CCDC178: variants seen among roughly 807,000 people sequenced by gnomAD.
The protein encoded by CCDC178 is coiled-coil domain containing 178.
In CCDC178, 126 loss-of-function variants were observed where a neutral mutation model predicts 117.4. The observed-to-expected ratio is 1.07, with a 90% confidence interval of 0.93 to 1.24. The LOEUF (loss-of-function observed/expected upper bound fraction) is 1.24. Ranked by LOEUF, CCDC178 falls within the 50% of genes most tolerant of loss-of-function variation. The pLI, the probability that CCDC178 is intolerant of heterozygous loss-of-function variation, is 0.00. For missense variants in CCDC178, 1,030 were observed against 986.9 expected (o/e 1.04, Z -0.59); for synonymous variants, 283 against 313.4 (o/e 0.90, Z 1.02).
chr18:32,985,986 A>T (rs899659113), intron 21 of CCDC178, among the ~76,000 whole-genome samples: 2 of 152,102 alleles, frequency 1.3e-5, no homozygotes, highest in African/African-American at 4.8e-5. Flanking sequence ...TTCTTAATAT[A>T]GAAAGATATT....
chr18:32,989,493 TA>T (rs930529867), intron 21 of CCDC178, among the ~76,000 whole-genome samples: 9 of 152,280 alleles, frequency 5.9e-5, no homozygotes, highest in Admixed American at 2.6e-4. Flanking sequence ...AGCTAGATAC[TA>T]AATATTTAAT....
chr18:32,984,838 T>G (rs2055229147), intron 21 of CCDC178, among the ~76,000 whole-genome samples: 1 of 152,020 alleles, frequency 6.6e-6, no homozygotes, highest in African/African-American at 2.4e-5. Context: ...GAACATATTT[T>G]TGAAGCATAC....
chr18:33,377,876 T>C (rs1237473513), intron 5 of CCDC178, among the ~76,000 whole-genome samples: 2 of 152,232 alleles, frequency 1.3e-5, no homozygotes, highest in Non-Finnish European at 2.9e-5. Context: ...ACAGGTACAA[T>C]GATGCCTCCA....
chr18:33,207,223 A>C (rs1267450405), intron 20 of CCDC178, among the ~76,000 whole-genome samples: 3 of 152,120 alleles, frequency 2.0e-5, no homozygotes, highest in Non-Finnish European at 2.9e-5. Flanking sequence ...AAACCTTCCT[A>C]TTTCATTTTA....
At chr18:33,296,404 T>C (rs894862499) in intron 11 of CCDC178, among the ~76,000 whole-genome samples, 5 of 151,812 alleles carry the variant, frequency 3.3e-5, no homozygotes, top group Non-Finnish European at 7.4e-5. Context: ...CACACACACA[T>C]ACATACATGA....
chr18:32,950,597 C>T (rs183180283), intron 22 of CCDC178, among the ~76,000 whole-genome samples: 77 of 152,190 alleles, frequency 5.1e-4, no homozygotes, highest in Non-Finnish European at 9.6e-4. Context: ...GTTACAGTTA[C>T]CCAAGAGTTT....
chr18:33,356,089 GT>G (rs1249735735), intron 7 of CCDC178, among the ~76,000 whole-genome samples: 2 of 152,092 alleles, frequency 1.3e-5, no homozygotes, highest in Non-Finnish European at 2.9e-5. Context: ...TCTGACTGAT[GT>G]TTTTGCAAAT....
intron 21 of CCDC178, among the ~76,000 whole-genome samples, chr18:33,061,590 AACT>A (rs375753858): frequency 5.8e-4 from 88 of 152,308 alleles, no homozygotes; most frequent in African/African-American, 2.0e-3. Flanking sequence ...GGCAAATATT[AACT>A]ACTAAATCTC....
At chr18:33,115,773 G>T (rs1399608979) in intron 20 of CCDC178, among the ~76,000 whole-genome samples, 1 of 151,940 alleles carries the variant, frequency 6.6e-6, no homozygotes, top group Non-Finnish European at 1.5e-5. Context: ...TGCACATTCT[G>T]AGTCCTTTCA....
intron 21 of CCDC178, among the ~76,000 whole-genome samples, chr18:33,041,025 G>C (rs1171597799): frequency 6.6e-6 from 1 of 151,816 alleles, no homozygotes; most frequent in Admixed American, 6.6e-5. Context: ...AGAGAAAGGA[G>C]AAAGTACAAT....
intron 6 of CCDC178, among the ~76,000 whole-genome samples, chr18:33,362,427 A>G (rs757790264): frequency 2.6e-5 from 4 of 151,826 alleles, no homozygotes; most frequent in Non-Finnish European, 4.4e-5. Context: ...GCAGAGATGC[A>G]GGTCAGAGGA....
chr18:32,978,780 T>C (rs967800612), intron 21 of CCDC178, among the ~76,000 whole-genome samples: 1 of 152,190 alleles, frequency 6.6e-6, no homozygotes, highest in Non-Finnish European at 1.5e-5. Context: ...CTAACGCCTG[T>C]AATCCCAGCA....
At chr18:33,206,568 ATAAT>A (rs1292328861) in intron 20 of CCDC178, among the ~76,000 whole-genome samples, 5 of 152,254 alleles carry the variant, frequency 3.3e-5, no homozygotes, top group East Asian at 1.9e-4. Flanking sequence ...TACCTTAATG[ATAAT>A]TAATCATAAA....
intron 2 of CCDC178, among the ~76,000 whole-genome samples, chr18:33,432,312 T>A (rs912521164): frequency 1.8e-5 from 1 of 54,442 alleles, no homozygotes; most frequent in East Asian, 4.8e-3. Context: ...CTTTACATAC[T>A]CCGTTTCTGG....
chr18:33,085,233 G>C (rs189278148), intron 21 of CCDC178, among the ~76,000 whole-genome samples: 210 of 152,262 alleles, frequency 1.4e-3, no homozygotes, highest in Non-Finnish European at 2.6e-3. Flanking sequence ...GCAAAATATA[G>C]TTTGTAAAAA....
chr18:33,011,622 T>C (rs1051428109), intron 21 of CCDC178, among the ~76,000 whole-genome samples: 7 of 151,854 alleles, frequency 4.6e-5, no homozygotes, highest in African/African-American at 1.5e-4. Flanking sequence ...TTGACTTTAA[T>C]AAGCGACTAA....
intron 21 of CCDC178, among the ~76,000 whole-genome samples, chr18:33,021,655 A>G (rs1238144037): frequency 6.6e-6 from 1 of 152,224 alleles, no homozygotes; most frequent in Non-Finnish European, 1.5e-5. Context: ...AGGATACCAC[A>G]GTTCTGACTT....
intron 21 of CCDC178, among the ~76,000 whole-genome samples, chr18:32,978,635 C>T (rs1402075628): frequency 2.0e-5 from 3 of 152,086 alleles, no homozygotes; most frequent in Non-Finnish European, 2.9e-5. Flanking sequence ...CTGGGGATGT[C>T]GGGCAAAATA....
intron 21 of CCDC178, among the ~76,000 whole-genome samples, chr18:33,078,472 G>C (rs956743352): frequency 6.6e-6 from 1 of 152,128 alleles, no homozygotes; most frequent in Non-Finnish European, 1.5e-5. Context: ...CATCAAACTA[G>C]GAACGGAGGA....
Sources: gnomAD v4.1 joint callset for allele counts (sites outside exome capture counted in the v4.1 genomes callset) on GRCh38, gnomAD v4.1.1 for gene constraint, MANE v1.5 for transcripts, NCBI Gene and HGNC (gene_info 2026-07-23, HGNC 2026-07-21) for gene names.